The following RREB1 variants were observed in gnomAD, a reference collection of about 807,000 sequenced individuals.
RREB1 encodes ras responsive element binding protein 1.
In RREB1, 27 loss-of-function variants were observed where a neutral mutation model predicts 117.8. The observed-to-expected ratio is 0.23, with a 90% CI of 0.17 to 0.32. The LOEUF is 0.32. Among genes scored for constraint, RREB1 ranks in the 10% least tolerant of loss-of-function variants. The pLI is 1.00. For synonymous variants in RREB1, 1,298 were observed against 1,026.7 expected, an observed-to-expected ratio of 1.26 and a Z score of -5.05; for missense variants, 2,577 against 2,378.2, an observed-to-expected ratio of 1.08 and a Z score of -1.74.
chr6:7,110,667 G>A (rs1408028503), intron 1 of RREB1, among the ~76,000 whole-genome samples: 1 of 152,196 alleles, frequency 6.6e-6, no homozygotes, highest in African/African-American at 2.4e-5. Flanking sequence ...CAAAAGAAAA[G>A]GAGAGAAGAA....
chr6:7,233,748 C>T (rs887051899), intron 10 of RREB1, among the ~76,000 whole-genome samples: 2 of 151,960 alleles, frequency 1.3e-5, no homozygotes, highest in Non-Finnish European at 2.9e-5. Flanking sequence ...GCTCTGTGTC[C>T]AGGTGGAAAT....
chr6:7,144,289 A>G (rs532089510), intron 1 of RREB1, among the ~76,000 whole-genome samples: 10 of 152,364 alleles, frequency 6.6e-5, no homozygotes, highest in African/African-American at 2.2e-4. Flanking sequence ...CCATTTCACA[A>G]TGTATACATG....
rs199626558 is a variant in RREB1, at chr6:7,244,720, CTAATG to C, written c.3974-1703_3974-1699del. On this transcript the variant is annotated intron_variant, in intron 11 of 12. Coordinates refer to ENST00000379938, the MANE Select transcript of RREB1 (RefSeq NM_001003699.4). ...GCCAAAAAGTGCAGTCAGTGTAAAA[CTAATG>C]AAATGAAATGATGTAAGTAGCCGCG... is the stretch of plus-strand genomic sequence containing the variant. Among the ~76,000 whole-genome samples, 79 of 152,316 alleles carry C rather than the reference CTAATG, an allele frequency of 5.2e-4. No homozygotes were observed. The East Asian group carries it at 0.014, about 27-fold the overall frequency.
intron 1 of RREB1, among the ~76,000 whole-genome samples, chr6:7,119,347 C>G (rs142824573): frequency 1.8e-3 from 270 of 151,792 alleles, no homozygotes; most frequent in Non-Finnish European, 3.5e-3. Context: ...GAGACTCCAT[C>G]TCAAAAAAAA....
chr6:7,160,134 T>A (rs561225431), intron 1 of RREB1, among the ~76,000 whole-genome samples: 19 of 151,676 alleles, frequency 1.3e-4, no homozygotes, highest in African/African-American at 4.1e-4. Flanking sequence ...TTTTTTTTTT[T>A]AAATGAGACA....
At chr6:7,221,317 C>T (rs896048552) in intron 8 of RREB1, among the ~76,000 whole-genome samples, 9 of 152,076 alleles carry the variant, frequency 5.9e-5, no homozygotes, top group South Asian at 2.1e-4. Flanking sequence ...TACAGGCGCC[C>T]GCCACTGCGC....
chr6:7,212,759 T>A (rs1475454712), intron 8 of RREB1: 1 of 152,142 alleles, frequency 6.6e-6, no homozygotes, highest in Non-Finnish European at 1.5e-5. Context: ...TGAAGACACA[T>A]GTTTAGCTGT....
chr6:7,231,498 C>T lies in RREB1; in HGVS notation c.3399C>T (p.Ala1133=), dbSNP rs1055460343. Residue 1133 remains alanine (A), a synonymous_variant, in exon 10 of 13, where the codon GCC becomes GCT. Coordinates refer to ENST00000379938, the MANE Select transcript of RREB1 (RefSeq NM_001003699.4). ...AGTCTAGTGAGCCTCCCGCTCCAGC[C>T]AGCAGCCCAGAGGCTGCCTCTCCCA... is the stretch of plus-strand genomic sequence containing the variant. ...PKESSEPPAP[A]SSPEAASPTE... is the part of the protein sequence containing the mutation. 6.2e-7 allele frequency: 1 copy of T among 1,611,026 alleles called. No individual in the cohort carries two copies. The highest frequency in any genetic ancestry group is 8.5e-7 in the Non-Finnish European group (1 of 1,178,712).
At chr6:7,205,757 T>C (rs1766237914) in intron 6 of RREB1, among the ~76,000 whole-genome samples, 1 of 152,184 alleles carries the variant, frequency 6.6e-6, no homozygotes. Flanking sequence ...GTGTACTCTT[T>C]GGTTTAACTC....
chr6:7,164,753 C>T (rs1184154062), intron 1 of RREB1, among the ~76,000 whole-genome samples: 2 of 152,212 alleles, frequency 1.3e-5, no homozygotes, highest in Non-Finnish European at 2.9e-5. Flanking sequence ...AGAGTCAAAT[C>T]TCAGGCACAG....
chr6:7,231,056 G>A lies in RREB1; in HGVS notation c.2957G>A (p.Ser986Asn), dbSNP rs774575339. 1.5e-5 allele frequency: 25 copies of A among 1,613,790 alleles called. No homozygotes were observed. The highest frequency in any genetic ancestry group is 3.3e-4 in the Middle Eastern group (2 of 6,054). The change falls in exon 10 of 13, where the codon AGC becomes AAC. Residue 986 changes from serine (S) to asparagine (N), a missense_variant. By Grantham distance (46) the Ser-to-Asn change is conservative. Transcript: ENST00000379938. ...TCTCTTCCTGTAACTTTGGGGCCCA[G>A]CGGAATCCTGGAAAGCCCCATGGCC... Reference protein sequence around the residue: ...GPSLPVTLGPSGILESPMAPA... With the variant: ...GPSLPVTLGPNGILESPMAPA...
intron 1 of RREB1, among the ~76,000 whole-genome samples, chr6:7,111,838 C>T (rs913915907): frequency 1.3e-5 from 2 of 152,020 alleles, no homozygotes; most frequent in African/African-American, 2.4e-5. Context: ...TGTATAGTAC[C>T]CTCTTATTTC....
chr6:7,169,960 T>C (rs1764133936), intron 1 of RREB1, among the ~76,000 whole-genome samples: 1 of 152,234 alleles, frequency 6.6e-6, no homozygotes, highest in African/African-American at 2.4e-5. Flanking sequence ...GCTGAAGTTA[T>C]ATTTAATGTA....
chr6:7,128,243 T>C (rs974815778), intron 1 of RREB1, among the ~76,000 whole-genome samples: 45 of 152,174 alleles, frequency 3.0e-4, no homozygotes, highest in Admixed American at 9.2e-4. Flanking sequence ...ATTTTATGAT[T>C]TTCCGAATTG....
intron 11 of RREB1, among the ~76,000 whole-genome samples, chr6:7,242,069 A>G (rs1768739510): frequency 6.6e-6 from 1 of 152,238 alleles, no homozygotes; most frequent in Admixed American, 6.5e-5. Context: ...ATCCTGGTTT[A>G]GAAAGCTGCC....
chr6:7,184,265 A>T (rs1764955704), intron 4 of RREB1, among the ~76,000 whole-genome samples: 2 of 150,552 alleles, frequency 1.3e-5, no homozygotes, highest in South Asian at 2.1e-4. Flanking sequence ...GGTTCATTTT[A>T]TTATTATTAT....
At chr6:7,130,484 G>A (rs1321869369) in intron 1 of RREB1, among the ~76,000 whole-genome samples, 1 of 152,118 alleles carries the variant, frequency 6.6e-6, no homozygotes. Context: ...TCTCTGCCTG[G>A]TGCCTGGTCT....
Position 7,230,434 on chromosome 6 carries a change from G to C in RREB1, c.2335G>C (p.Gly779Arg), listed in dbSNP as rs1561795961. 6.3e-7 allele frequency: 1 copy of C among 1,591,098 alleles called. No homozygotes were observed. Among genetic ancestry groups the C allele is most frequent in the African/African-American group, 1.3e-5 (1 of 74,686 alleles). ...CCACATGCGCACGCACTGCGGCCGC[G>C]GCCTGGGCGGGGGCCACAAGGGCCG... ...RIHMRTHCGR[G>R]LGGGHKGRKP... is the part of the protein sequence containing the mutation. Residue 779 changes from glycine (G) to arginine (R), a missense_variant, in exon 10 of 13, where the codon GGC becomes CGC. Coordinates refer to ENST00000379938, the MANE Select transcript of RREB1 (RefSeq NM_001003699.4).
At chr6:7,193,705 A>G (rs1304198310) in intron 6 of RREB1, among the ~76,000 whole-genome samples, 1 of 152,216 alleles carries the variant, frequency 6.6e-6, no homozygotes, top group Non-Finnish European at 1.5e-5. Context: ...TATATGTTTC[A>G]TATACACCTT....
Sources: gnomAD v4.1 joint callset for allele counts (sites outside exome capture counted in the v4.1 genomes callset) on GRCh38, gnomAD v4.1.1 for gene constraint, MANE v1.5 for transcripts, NCBI Gene and HGNC (gene_info 2026-07-23, HGNC 2026-07-21) for gene names.